Variants in RIMBP2 observed in about 807,000 individuals in gnomAD.
The protein encoded by RIMBP2 is RIMS binding protein 2.
In RIMBP2, 48 loss-of-function variants were observed where a neutral mutation model predicts 118.6. The observed-to-expected ratio is 0.40, with a 90% CI of 0.32 to 0.51. The LOEUF (loss-of-function observed/expected upper bound fraction) is 0.51. Among genes scored for constraint, RIMBP2 ranks in the 20% least tolerant of loss-of-function variants. The probability of loss-of-function intolerance (pLI) is 0.41; values close to 1 mark genes in which losing one functional copy is unlikely to be tolerated. For synonymous variants in RIMBP2, 762 were observed against 742.9 expected, an observed-to-expected ratio of 1.03 and a Z score of -0.42; for missense variants, 1,551 against 1,768.3, an observed-to-expected ratio of 0.88 and a Z score of 2.20.
chr12:130,610,010 T>C (rs1358066988), intron 2 of RIMBP2, among the ~76,000 whole-genome samples: 1 of 152,176 alleles, frequency 6.6e-6, no homozygotes, highest in Non-Finnish European at 1.5e-5. Flanking sequence ...AGAAACGCCC[T>C]CACAGGCACC....
chr12:130,556,729 C>T (rs972067838), intron 2 of RIMBP2, among the ~76,000 whole-genome samples: 1 of 152,186 alleles, frequency 6.6e-6, no homozygotes, highest in Non-Finnish European at 1.5e-5. Flanking sequence ...GGTGCCATCA[C>T]CATTGGCCAA....
Position 130,593,566 on chromosome 12 carries a change from G to A in RIMBP2, c.-217+34756C>T, listed in dbSNP as rs116664613. On this transcript the variant is annotated intron_variant, in intron 2 of 22. Coordinates refer to ENST00000690449, the MANE Select transcript of RIMBP2 (RefSeq NM_001393629.1). ...CGGCTGGAGGGAGAGGAGAATCTGG[G>A]TGCTCCGTGGGCTGGATGGCGACGT... 5.0e-3 allele frequency among the ~76,000 whole-genome samples: 763 copies of A among 152,366 alleles called. 9 individuals are homozygous for A. The highest frequency in any genetic ancestry group is 0.017 in the African/African-American group (720 of 41,586).
rs1398376232 is a variant in RIMBP2, at chr12:130,595,208, TCAGCAAACCATGC to T, written c.-217+33101_-217+33113del. Among the ~76,000 whole-genome samples the T allele has an allele frequency of 2.7e-4, 41 of 152,338 alleles. No homozygotes were observed. The South Asian group carries it at 8.3e-3, about 31-fold the overall frequency. On this transcript the variant is annotated intron_variant, in intron 2 of 22. Transcript: ENST00000690449. ...CACCCATGAGATTGAACCATCTCTC[TCAGCAAACCATGC>T]CCAAAGCCTGATGGGCTGCCCTGCA...
At chr12:130,558,732 G>A (rs1318894677) in intron 2 of RIMBP2, among the ~76,000 whole-genome samples, 1 of 152,178 alleles carries the variant, frequency 6.6e-6, no homozygotes, top group Admixed American at 6.5e-5. Flanking sequence ...GACCTGCAAG[G>A]GCATCTGAAT....
chr12:130,634,051 T>C (rs1202598915), intron 1 of RIMBP2, among the ~76,000 whole-genome samples: 1 of 152,188 alleles, frequency 6.6e-6, no homozygotes, highest in African/African-American at 2.4e-5. Flanking sequence ...ACGCCTGTCA[T>C]AATGAGTCAC....
At chr12:130,466,066 C>A (rs2080450543) in intron 6 of RIMBP2, 1 of 152,240 alleles carries the variant, frequency 6.6e-6, no homozygotes, top group East Asian at 1.9e-4. Flanking sequence ...TTCCCCCAGA[C>A]ATGAAGAAGA....
rs2081363769 is a variant in RIMBP2 at position 130,475,630 on chromosome 12, G to C, written c.102+3282C>G. ...GGCTCCAGGCGGGCGTCTCCAAGGG[G>C]AAAATGGAATCAGAAGCCCCCCAGA... On this transcript the variant is annotated intron_variant, in intron 5 of 22. Coordinates refer to ENST00000690449, the MANE Select transcript of RIMBP2 (RefSeq NM_001393629.1). This position sits in a 1 kb window ranked among gnomAD's most constrained non-coding sequence, Gnocchi z 4.1. Among the ~76,000 whole-genome samples, 1 of 152,110 alleles carries C rather than the reference G, an allele frequency of 6.6e-6. No homozygotes were observed.
At chr12:130,651,100 G>GGC (rs2063216284) in intron 1 of RIMBP2, among the ~76,000 whole-genome samples, 1 of 152,128 alleles carries the variant, frequency 6.6e-6, no homozygotes, top group East Asian at 1.9e-4. Flanking sequence ...TCAGGACTGA[G>GGC]GCTCCACTCC....
intron 2 of RIMBP2, among the ~76,000 whole-genome samples, chr12:130,603,680 TGA>T (rs1243607997): frequency 1.3e-5 from 2 of 152,180 alleles, no homozygotes; most frequent in Non-Finnish European, 2.9e-5. Flanking sequence ...CATAAGATTC[TGA>T]GAGAGGTGAA....
intron 2 of RIMBP2, among the ~76,000 whole-genome samples, chr12:130,605,055 G>T (rs1374387261): frequency 6.6e-6 from 1 of 152,054 alleles, no homozygotes; most frequent in Non-Finnish European, 1.5e-5. Context: ...CAGCCTCGGG[G>T]TGCGGTAGAC....
intron 1 of RIMBP2, among the ~76,000 whole-genome samples, chr12:130,644,186 T>A (rs950604829): frequency 1.3e-5 from 2 of 152,118 alleles, no homozygotes; most frequent in African/African-American, 4.8e-5. Context: ...GGAAAGGAAG[T>A]GGAGAGGCAG....
In RIMBP2 at chr12:130,581,152, G is replaced by A. The variant is rs2058454889; in HGVS notation, c.-217+47170C>T. ...TTCCAAGACAGGCAGGTCCTGGACA[G>A]AGCAGTGTGTTTGTCACATACAAAA... On this transcript the variant is annotated intron_variant, in intron 2 of 22. Transcript: ENST00000690449. This position sits in a 1 kb window ranked among gnomAD's most constrained non-coding sequence, Gnocchi z 4.4. 1.3e-5 allele frequency among the ~76,000 whole-genome samples: 2 copies of A among 152,166 alleles called. No homozygotes were observed. Among genetic ancestry groups the A allele is most frequent in the Non-Finnish European group, 2.9e-5 (2 of 68,024 alleles).
chr12:130,582,927 GTGAC>G (rs1307784432), intron 2 of RIMBP2, among the ~76,000 whole-genome samples: 2 of 152,212 alleles, frequency 1.3e-5, no homozygotes, highest in Non-Finnish European at 2.9e-5. Flanking sequence ...CACCTCCACT[GTGAC>G]TGACTGTAAA....
intron 12 of RIMBP2, among the ~76,000 whole-genome samples, chr12:130,438,136 C>CCAGAG (rs2077679943): frequency 6.6e-6 from 1 of 152,154 alleles, no homozygotes; most frequent in African/African-American, 2.4e-5. Context: ...CATTTTTAAT[C>CCAGAG]CAGAGCAGAG....
At chr12:130,708,770 C>T (rs1361235814) in intron 1 of RIMBP2, among the ~76,000 whole-genome samples, 2 of 152,198 alleles carry the variant, frequency 1.3e-5, no homozygotes, top group African/African-American at 4.8e-5. Context: ...CTAAGAGGCT[C>T]GCGTGGGCCC....
intron 2 of RIMBP2, among the ~76,000 whole-genome samples, chr12:130,543,459 C>T (rs2054792683): frequency 6.6e-6 from 1 of 152,140 alleles, no homozygotes; most frequent in African/African-American, 2.4e-5. Context: ...CCCATACCAA[C>T]CGTATTGCTG....
rs532774164 is a variant in RIMBP2 at position 130,525,303 on chromosome 12, C to T, written c.-216-7386G>A. Among the ~76,000 whole-genome samples the T allele has an allele frequency of 5.9e-5, 9 of 152,268 alleles. No individual in the cohort carries two copies. In the South Asian group the frequency reaches 1.9e-3, roughly 32 times the overall value. Reference sequence around the variant, plus strand: ...AAGCCAAGCAGCATTGCGGGCATCTCCGTGACCTCCAGGAGAGGCTCTGGT... The same window carrying T: ...AAGCCAAGCAGCATTGCGGGCATCTTCGTGACCTCCAGGAGAGGCTCTGGT... On this transcript the variant is annotated intron_variant, in intron 2 of 22. Coordinates refer to ENST00000690449, the MANE Select transcript of RIMBP2 (RefSeq NM_001393629.1). This position sits in a 1 kb window ranked among gnomAD's most constrained non-coding sequence, Gnocchi z 4.4.
At chr12:130,490,122 TCAAAAA>T (rs2048499581) in intron 4 of RIMBP2, among the ~76,000 whole-genome samples, 2 of 83,120 alleles carry the variant, frequency 2.4e-5, no homozygotes, top group Non-Finnish European at 2.4e-5. Flanking sequence ...AGACTCTGTC[TCAAAAA>T]AAAAAAAAAA....
At chr12:130,470,609 T>G in intron 6 of RIMBP2, 84 bp downstream of exon 6, 1 of 741,732 alleles carries the variant, frequency 1.3e-6, no homozygotes, top group Non-Finnish European at 1.9e-6. Flanking sequence ...TTCATAAACA[T>G]CATCTATTAT....
Sources: gnomAD v4.1 joint callset for allele counts (sites outside exome capture counted in the v4.1 genomes callset) on GRCh38, gnomAD v4.1.1 for gene constraint, Gnocchi (gnomAD v3.1) non-coding constraint, MANE v1.5 for transcripts, NCBI Gene and HGNC (gene_info 2026-07-23, HGNC 2026-07-21) for gene names.